Variants in RCOR3 observed in about 807,000 individuals in gnomAD.
RCOR3 encodes REST corepressor 3.
In RCOR3, 13 loss-of-function variants were observed where a neutral mutation model predicts 64.1. That is an observed-to-expected ratio of 0.20 (90% CI 0.13 to 0.32). The LOEUF (loss-of-function observed/expected upper bound fraction) is 0.32, where lower values mean the gene tolerates loss of function less well. RCOR3 is among the 10% of genes least tolerant of loss of function. The pLI, the probability that RCOR3 is intolerant of heterozygous loss-of-function variation, is 1.00. For missense variants in RCOR3, 489 were observed against 701.2 expected, an observed-to-expected ratio of 0.70 and a Z score of 3.42; for synonymous variants, 215 against 239.0, an observed-to-expected ratio of 0.90 and a Z score of 0.93.
At chr1:211,294,130 C>T (rs1314763834) in intron 8 of RCOR3, among the ~76,000 whole-genome samples, 1 of 152,164 alleles carries the variant, frequency 6.6e-6, no homozygotes, top group East Asian at 1.9e-4. Context: ...TTGAGCATAA[C>T]ATGAATTTTT....
rs373145209 is a variant in RCOR3, at chr1:211,287,178, G to T, written c.721-2000G>T. Among the ~76,000 whole-genome samples, 3 of 151,988 alleles carry T rather than the reference G, an allele frequency of 2.0e-5. No homozygotes were observed. In the South Asian group the frequency reaches 6.2e-4, roughly 32 times the overall value. ...GGGCACTCTTGGGAGACTTTTTTTTGGTTTCTTTCCACCCAGCCAAGAGTG... is the reference window on the plus strand; with the variant it reads ...GGGCACTCTTGGGAGACTTTTTTTTTGTTTCTTTCCACCCAGCCAAGAGTG... On this transcript the variant is annotated intron_variant, in intron 7 of 11. Transcript: ENST00000419091.
At chr1:211,285,070 C>T (rs901607245) in intron 7 of RCOR3, among the ~76,000 whole-genome samples, 4 of 152,074 alleles carry the variant, frequency 2.6e-5, no homozygotes, top group Admixed American at 2.6e-4. Context: ...ATTCTTGGAC[C>T]TTTGCTCTTC....
At chr1:211,295,141 G>T (rs1407773087) in intron 8 of RCOR3, among the ~76,000 whole-genome samples, 1 of 146,016 alleles carries the variant, frequency 6.8e-6, no homozygotes, top group Non-Finnish European at 1.5e-5. Flanking sequence ...AGGATTTTAG[G>T]CATGAGCTAC....
intron 2 of RCOR3, among the ~76,000 whole-genome samples, chr1:211,266,592 A>G (rs902996824): frequency 2.0e-5 from 3 of 152,208 alleles, no homozygotes; most frequent in African/African-American, 4.8e-5. Context: ...TTTTTAATCT[A>G]TTCAGAAGAT....
intron 8 of RCOR3, 35 bp from the exon 9 acceptor site, chr1:211,295,641 C>G (rs140328411): frequency 3.2e-6 from 5 of 1,572,110 alleles, no homozygotes; most frequent in African/African-American, 2.7e-5. Flanking sequence ...CCTAAGTACG[C>G]GATCTGATTC....
chr1:211,306,936 T>C (rs1700904991), intron 10 of RCOR3, among the ~76,000 whole-genome samples: 1 of 152,168 alleles, frequency 6.6e-6, no homozygotes. Context: ...ATACTGCTAA[T>C]TTAATCCTCT....
chr1:211,260,531 T>A (rs1694066245), intron 2 of RCOR3, among the ~76,000 whole-genome samples: 1 of 152,110 alleles, frequency 6.6e-6, no homozygotes, highest in South Asian at 2.1e-4. Flanking sequence ...ACCGTGCAAA[T>A]GTCAATTGCC....
At position 211,312,088 on chromosome 1, in the gene RCOR3, T is replaced by A. The variant is rs1265240497; in HGVS notation, c.1076-632T>A. 4.5e-6 allele frequency: 1 copy of A among 222,074 alleles called. No homozygotes were observed. The highest frequency in any genetic ancestry group is 2.3e-5 in the African/African-American group (1 of 44,228). 13.8% of individuals were successfully genotyped at this position (222,074 alleles called of 1,614,324 possible). A position where few individuals can be genotyped will look rare whatever the true frequency, so the allele number is the denominator to read the frequency against. On this transcript the variant is annotated intron_variant, in intron 10 of 11. Coordinates refer to ENST00000419091, the MANE Select transcript of RCOR3 (RefSeq NM_001136223.3). The surrounding 1 kb of genome is among the most constrained non-coding windows in gnomAD (Gnocchi z 5.0). ...CTAGATGAGTTAAAATCCAACTGAC[T>A]CTGAAAAAAAATCTTCTCTTTTTTC...
chr1:211,276,505 A>T lies in RCOR3; in HGVS notation c.516+87A>T. The stretch of plus-strand genomic sequence containing the variant: ...CACTTCCTAATTATTAAATACAAAA[A>T]CATTCTTCAATTTAATTTTAAAAAC... On this transcript the variant is annotated intron_variant, in intron 5 of 11. Transcript: ENST00000419091. 2.5e-6 allele frequency: 3 copies of T among 1,177,010 alleles called. No individual in the cohort carries two copies. The East Asian group carries it at 7.3e-5, about 29-fold the overall frequency. 72.9% of individuals were successfully genotyped at this position (1,177,010 alleles called of 1,614,324 possible).
chr1:211,259,574 T>C lies in RCOR3; in HGVS notation c.14T>C (p.Met5Thr), dbSNP rs1198328792. Residue 5 changes from methionine (M) to threonine (T), a missense_variant, in exon 1 of 12, where the codon ATG becomes ACG. By Grantham distance (81) the Met-to-Thr change is moderately conservative. Around this residue, in one of 2 missense-constraint regions of RCOR3, gnomAD observed 87 missense variants for 84.3 expected, o/e 1.03. Transcript: ENST00000419091. MPGMMEKGPELLGKN... is the reference protein window; with the variant it reads MPGMTEKGPELLGKN... ...CCCTGTTCTACCATGCCCGGCATGA[T>C]GGAGAAAGGGCCCGAGTTACTGGGG... 1 of 1,546,434 alleles carries C rather than the reference T, an allele frequency of 6.5e-7. No homozygotes were observed. Among genetic ancestry groups the C allele is most frequent in the South Asian group, 1.2e-5 (1 of 83,944 alleles).
At chr1:211,303,318 G>A (rs1455997852) in intron 9 of RCOR3, 1 of 152,060 alleles carries the variant, frequency 6.6e-6, no homozygotes, top group East Asian at 1.9e-4. Context: ...GTGTGCTATA[G>A]AAACTCTTAT....
At chr1:211,277,477 A>T (rs896476870) in intron 5 of RCOR3, among the ~76,000 whole-genome samples, 1 of 152,204 alleles carries the variant, frequency 6.6e-6, no homozygotes, top group Non-Finnish European at 1.5e-5. Flanking sequence ...TAAGACCTGG[A>T]TTTAAAACAA....
chr1:211,262,642 T>C (rs1415451775), intron 2 of RCOR3, among the ~76,000 whole-genome samples: 1 of 152,210 alleles, frequency 6.6e-6, no homozygotes, highest in Non-Finnish European at 1.5e-5. Context: ...GTCTTGTGTT[T>C]AAGAGCCAGA....
chr1:211,267,819 C>T (rs1037344383), intron 2 of RCOR3: 36 of 356,530 alleles, frequency 1.0e-4, no homozygotes, highest in African/African-American at 6.1e-4. Context: ...TCTCAAACTC[C>T]GGGGCTCAAG....
In RCOR3 at chr1:211,312,839, T is replaced by C. The variant is rs756604899; in HGVS notation, c.1195T>C (p.Leu399=). The change falls in exon 11 of 12, where the codon TTG becomes CTG. Residue 399 remains leucine, a synonymous_variant. Coordinates refer to ENST00000419091, the MANE Select transcript of RCOR3 (RefSeq NM_001136223.3). This position sits in a 1 kb window ranked among gnomAD's most constrained non-coding sequence, Gnocchi z 5.0. ...YRRRFNLEEV[L]QEWEAEQGTQ... Reference sequence around the variant, plus strand: ...GCGTCGGTTTAACTTAGAGGAGGTATTGCAGGAGTGGGAAGCAGAACAAGG... The same window carrying C: ...GCGTCGGTTTAACTTAGAGGAGGTACTGCAGGAGTGGGAAGCAGAACAAGG... The C allele has an allele frequency of 2.6e-5, 42 of 1,614,066 alleles. No individual in the cohort carries two copies. Among genetic ancestry groups the C allele is most frequent in the Non-Finnish European group, 3.5e-5 (41 of 1,180,028 alleles).
At chr1:211,289,475 A>G in intron 8 of RCOR3, 79 bp downstream of exon 8, 1 of 1,145,534 alleles carries the variant, frequency 8.7e-7, no homozygotes, top group Non-Finnish European at 1.2e-6. Flanking sequence ...GGTTGAGCTC[A>G]GTTGTTTGCA....
chr1:211,282,339 C>T (rs1192954811), intron 7 of RCOR3, among the ~76,000 whole-genome samples: 1 of 152,118 alleles, frequency 6.6e-6, no homozygotes, highest in Non-Finnish European at 1.5e-5. Context: ...TAATATAGAT[C>T]TTTGTAGCTG....
chr1:211,308,673 GTTTTTTTTTTGTT>G (rs1297715439), intron 10 of RCOR3, among the ~76,000 whole-genome samples: 3 of 40,478 alleles, frequency 7.4e-5, no homozygotes, highest in East Asian at 8.5e-4. Flanking sequence ...TTTTTTTTTT[GTTTTTTTTTTGTT>G]TTTTTTTTTT....
chr1:211,277,087 A>AAAAAAAAAAC (rs1466744096), intron 5 of RCOR3, among the ~76,000 whole-genome samples: 2 of 150,186 alleles, frequency 1.3e-5, no homozygotes, highest in Non-Finnish European at 3.0e-5. Flanking sequence ...CTCTGTCTCA[A>AAAAAAAAAAC]AAAAAAAAAC....
Sources: allele counts gnomAD v4.1 joint callset (sites outside exome capture counted in the v4.1 genomes callset), GRCh38; gene constraint gnomAD v4.1.1; regional missense constraint gnomAD v4.1.1; non-coding constraint Gnocchi (gnomAD v3.1); transcripts MANE v1.5; gene names NCBI Gene and HGNC (gene_info 2026-07-23, HGNC 2026-07-21).